Variants in BANK1 observed in about 807,000 individuals in gnomAD.
The protein encoded by BANK1 is B-cell scaffold protein with ankyrin repeats.
Under a neutral mutation model 94.5 loss-of-function variants are expected in BANK1, and 95 were observed. That is an observed-to-expected ratio of 1.00 (90% confidence interval 0.85 to 1.19). The LOEUF (loss-of-function observed/expected upper bound fraction) is 1.19. Among genes scored for constraint, BANK1 ranks in the 50% most tolerant of loss-of-function variants. The pLI, the probability that BANK1 is intolerant of heterozygous loss-of-function variation, is 0.00. For synonymous variants in BANK1, 334 were observed against 308.4 expected (o/e 1.08, Z -0.87); for missense variants, 987 against 932.2 (o/e 1.06, Z -0.77).
At position 102,043,966 on chromosome 4, in the gene BANK1, A is replaced by G. The variant is rs528332540; in HGVS notation, c.1969+59A>G. 4.8e-6 allele frequency: 5 copies of G among 1,046,728 alleles called. No individual in the cohort carries two copies. In the East Asian group the frequency reaches 9.6e-5, roughly 20 times the overall value. The allele number at this position is 1,046,728 out of a possible 1,614,324, so 64.8% of individuals were successfully genotyped here. Reference sequence around the variant, plus strand: ...TCTAGGTAAAATATCAAGAAATCTTATGAATACAGAGTAAAGCCTCCTAGG... The same window carrying G: ...TCTAGGTAAAATATCAAGAAATCTTGTGAATACAGAGTAAAGCCTCCTAGG... On this transcript the variant is annotated intron_variant, in intron 11 of 16. Coordinates refer to ENST00000322953, the MANE Select transcript of BANK1 (RefSeq NM_017935.5).
At chr4:101,815,969 C>A (rs543500738) in intron 1 of BANK1, among the ~76,000 whole-genome samples, 1 of 152,254 alleles carries the variant, frequency 6.6e-6, no homozygotes, top group South Asian at 2.1e-4. Context: ...ACCCTAACTA[C>A]CCTAACTTTT....
At chr4:102,003,948 TAC>T (rs1053337158) in intron 7 of BANK1, among the ~76,000 whole-genome samples, 2 of 151,568 alleles carry the variant, frequency 1.3e-5, no homozygotes, top group African/African-American at 2.4e-5. Flanking sequence ...TACGTATATA[TAC>T]ACACATATAT....
At chr4:101,815,577 A>C (rs1725883841) in intron 1 of BANK1, among the ~76,000 whole-genome samples, 1 of 152,146 alleles carries the variant, frequency 6.6e-6, no homozygotes, top group Non-Finnish European at 1.5e-5. Flanking sequence ...CAAATCAGAG[A>C]TGTACTGAAA....
rs187312243 is a variant in BANK1, at chr4:101,983,888, G to T, written c.1207-37626G>T. ...CATATTGGATAGCATTAATGCTTTGGCAAGGGCATAATAGCAAAGAATAGT... is the reference window on the plus strand; with the variant it reads ...CATATTGGATAGCATTAATGCTTTGTCAAGGGCATAATAGCAAAGAATAGT... On this transcript the variant is annotated intron_variant, in intron 7 of 16. Coordinates refer to ENST00000322953, the MANE Select transcript of BANK1 (RefSeq NM_017935.5). Among the ~76,000 whole-genome samples, 184 of 152,010 alleles carry T rather than the reference G, an allele frequency of 1.2e-3. 1 individual carries two copies. The highest frequency in any genetic ancestry group is 4.3e-3 in the African/African-American group (180 of 41,518).
At chr4:101,898,929 A>G (rs1197816497) in intron 6 of BANK1, among the ~76,000 whole-genome samples, 1 of 152,110 alleles carries the variant, frequency 6.6e-6, no homozygotes, top group Non-Finnish European at 1.5e-5. Context: ...ATAATGTATC[A>G]TGGCTCTACA....
At chr4:102,027,125 C>G (rs1427623181) in intron 9 of BANK1, among the ~76,000 whole-genome samples, 1 of 152,062 alleles carries the variant, frequency 6.6e-6, no homozygotes, top group African/African-American at 2.4e-5. Flanking sequence ...ACACTGACTA[C>G]AAAATTCTGG....
At chr4:101,840,369 T>G (rs528494734) in intron 2 of BANK1, among the ~76,000 whole-genome samples, 117 of 152,338 alleles carry the variant, frequency 7.7e-4, no homozygotes, top group African/African-American at 2.7e-3. Context: ...AATATATTTT[T>G]GTTGGGAACA....
intron 7 of BANK1, among the ~76,000 whole-genome samples, chr4:101,931,785 T>C (rs1197051962): frequency 4.0e-5 from 6 of 151,370 alleles, no homozygotes; most frequent in Admixed American, 6.6e-5. Context: ...CAGTTTGTTG[T>C]TGGAGCTGAA....
chr4:102,022,111 T>C (rs552053160), intron 8 of BANK1, among the ~76,000 whole-genome samples: 1 of 152,186 alleles, frequency 6.6e-6, no homozygotes, highest in Admixed American at 6.5e-5. Context: ...TATATAAACG[T>C]GTATATATAC....
intron 6 of BANK1, among the ~76,000 whole-genome samples, chr4:101,904,678 A>G (rs953874206): frequency 1.3e-5 from 2 of 152,162 alleles, no homozygotes; most frequent in African/African-American, 4.8e-5. Flanking sequence ...TGGAATTAGA[A>G]CTTGTGTTCC....
chr4:101,943,982 G>T (rs1184844437), intron 7 of BANK1, among the ~76,000 whole-genome samples: 1 of 151,548 alleles, frequency 6.6e-6, no homozygotes, highest in Non-Finnish European at 1.5e-5. Flanking sequence ...TTTAAATAGT[G>T]CCTGGTATTT....
chr4:101,907,393 T>G (rs1182024339), intron 6 of BANK1, among the ~76,000 whole-genome samples: 5 of 152,284 alleles, frequency 3.3e-5, no homozygotes, highest in African/African-American at 1.2e-4. Flanking sequence ...TAGGTATTAA[T>G]GGAACATATC....
intron 7 of BANK1, among the ~76,000 whole-genome samples, chr4:101,990,292 G>A (rs935848564): frequency 2.0e-5 from 3 of 152,136 alleles, no homozygotes; most frequent in Non-Finnish European, 4.4e-5. Flanking sequence ...GAATTAGCAT[G>A]AATGACTTTA....
intron 4 of BANK1, among the ~76,000 whole-genome samples, chr4:101,868,367 A>G (rs1389236009): frequency 1.3e-5 from 2 of 152,028 alleles, no homozygotes; most frequent in Admixed American, 1.3e-4. Context: ...AAAAATTATC[A>G]TGAATGAACA....
At chr4:101,798,205 A>G (rs916787154) in intron 1 of BANK1, among the ~76,000 whole-genome samples, 2 of 152,190 alleles carry the variant, frequency 1.3e-5, no homozygotes, top group Non-Finnish European at 2.9e-5. Flanking sequence ...TGAGAGCTGA[A>G]TGGGAATGAG....
intron 13 of BANK1, among the ~76,000 whole-genome samples, chr4:102,068,850 G>T (rs187729387): frequency 5.5e-4 from 82 of 150,266 alleles, no homozygotes; most frequent in African/African-American, 1.8e-3. Flanking sequence ...AAGATACTAA[G>T]AAAATATGTA....
intron 11 of BANK1, among the ~76,000 whole-genome samples, chr4:102,059,793 G>A (rs1161112259): frequency 6.6e-6 from 1 of 152,178 alleles, no homozygotes; most frequent in African/African-American, 2.4e-5. Flanking sequence ...CCCAAAGATA[G>A]AAAGACTGTT....
chr4:101,862,049 G>T (rs1230862638), intron 3 of BANK1, among the ~76,000 whole-genome samples: 2 of 151,964 alleles, frequency 1.3e-5, no homozygotes, highest in African/African-American at 4.8e-5. Context: ...CTTCTTAAAA[G>T]TCATTATATT....
chr4:101,792,359 T>A (rs1725019211), intron 1 of BANK1, among the ~76,000 whole-genome samples: 1 of 150,780 alleles, frequency 6.6e-6, no homozygotes, highest in African/African-American at 2.4e-5. Context: ...GAAACTTTTC[T>A]AAAAACGAAT....
Sources: allele counts gnomAD v4.1 joint callset (sites outside exome capture counted in the v4.1 genomes callset), GRCh38; gene constraint gnomAD v4.1.1; transcripts MANE v1.5; gene names NCBI Gene and HGNC (gene_info 2026-07-23, HGNC 2026-07-21).